Variants in PDXDC1 observed in about 807,000 individuals in gnomAD.
The protein encoded by PDXDC1 is pyridoxal-dependent decarboxylase domain-containing protein 1.
In PDXDC1, 42 loss-of-function variants were observed where a neutral mutation model predicts 100.1. The observed-to-expected ratio is 0.42, with a 90% CI of 0.33 to 0.54. PDXDC1 has a LOEUF of 0.54. Ranked by LOEUF, PDXDC1 falls within the 20% of genes least tolerant of loss-of-function variation. PDXDC1 has a pLI of 0.10. For missense variants in PDXDC1, 636 were observed against 979.2 expected, an observed-to-expected ratio of 0.65 and a Z score of 4.68; for synonymous variants, 260 against 371.7, an observed-to-expected ratio of 0.70 and a Z score of 3.46.
At chr16:15,076,678 T>G in intron 16 of PDXDC1, 2 of 1,437,896 alleles carry the variant, frequency 1.4e-6, no homozygotes, top group Non-Finnish European at 2.0e-6. Flanking sequence ...AAAAAAAGAA[T>G]AAAAGGATTT....
chr16:15,050,350 C>A (rs2044246683), intron 16 of PDXDC1, among the ~76,000 whole-genome samples: 2 of 152,208 alleles, frequency 1.3e-5, no homozygotes, highest in Admixed American at 6.5e-5. Flanking sequence ...ATTGCCTACA[C>A]AGGAAGACAG....
chr16:15,027,020 C>T (rs1317130521), intron 14 of PDXDC1, among the ~76,000 whole-genome samples: 1 of 140,396 alleles, frequency 7.1e-6, no homozygotes, highest in Non-Finnish European at 1.5e-5. Flanking sequence ...ATAGGTTGTG[C>T]CCAGGAATCT....
rs1555551931 is a variant in PDXDC1 at position 15,005,317 on chromosome 16, A to AAAAG, written c.389+988_389+991dup. 5.7e-4 allele frequency among the ~76,000 whole-genome samples: 84 copies of AAAAG among 146,882 alleles called. 2 individuals are homozygous for AAAAG. The highest frequency in any genetic ancestry group is 1.1e-3 in the African/African-American group (44 of 40,174). ...GAGACTCTGTCTCAAAAAAAAAAAA[A>AAAAG]AAAGAAAACTCTGTCATAAGGAAGA... On this transcript the variant is annotated intron_variant, in intron 5 of 22. Transcript: ENST00000396410.
intron 19 of PDXDC1, 74 bp downstream of exon 19, chr16:15,033,473 C>G (rs2151646787): frequency 6.6e-7 from 1 of 1,516,740 alleles, no homozygotes; most frequent in Non-Finnish European, 9.1e-7. Context: ...ACGAGGAAAG[C>G]AGCTGCCCTT....
intron 16 of PDXDC1, among the ~76,000 whole-genome samples, chr16:15,078,541 T>G (rs1162293063): frequency 1.3e-5 from 2 of 152,174 alleles, no homozygotes; most frequent in Non-Finnish European, 2.9e-5. Flanking sequence ...TCTTTTCATC[T>G]TTCTAAAAAA....
rs57542228 is a variant in PDXDC1 at position 15,032,668 on chromosome 16, A to AAAAAAAAAAAAG, written c.1572-192_1572-191insAAAAAAAAAAGA. On this transcript the variant is annotated intron_variant, in intron 17 of 22. Coordinates refer to ENST00000396410, the MANE Select transcript of PDXDC1 (RefSeq NM_015027.4). ...GACCCTGCTTTAAAAAAAAAAAAAA[A>AAAAAAAAAAAAG]AGGCTTTCCTGTGACTTTCTCTTTA... The AAAAAAAAAAAAG allele has an allele frequency of 4.0e-4, 153 of 380,040 alleles. 4 individuals carry two copies. Among genetic ancestry groups the AAAAAAAAAAAAG allele is most frequent in the East Asian group, 8.1e-4 (14 of 17,240 alleles). 23.5% of individuals were successfully genotyped at this position (380,040 alleles called of 1,614,324 possible).
At chr16:15,087,710 T>A (rs924597152) in intron 16 of PDXDC1, among the ~76,000 whole-genome samples, 3 of 152,216 alleles carry the variant, frequency 2.0e-5, no homozygotes, top group Admixed American at 6.5e-5. Flanking sequence ...GCCAAAGGCA[T>A]GTAGAAAACA....
chr16:15,080,843 T>A (rs1021270102), intron 16 of PDXDC1, among the ~76,000 whole-genome samples: 1 of 151,036 alleles, frequency 6.6e-6, no homozygotes, highest in African/African-American at 2.4e-5. Flanking sequence ...TGACATTTCA[T>A]ATAAATGGAG....
At chr16:15,071,208 T>C in intron 16 of PDXDC1, 1 of 1,611,032 alleles carries the variant, frequency 6.2e-7, no homozygotes. Context: ...ACTTGGGTCC[T>C]GCAATTTTTT....
At chr16:15,101,526 C>T (rs989864113) in intron 16 of PDXDC1, among the ~76,000 whole-genome samples, 7 of 151,236 alleles carry the variant, frequency 4.6e-5, no homozygotes, top group East Asian at 2.0e-4. Flanking sequence ...TTAATAGAGA[C>T]GGGGTTTCAC....
chr16:15,151,880 G>A, the PDXDC1 span, among the ~76,000 whole-genome samples: 14 of 129,976 alleles, frequency 1.1e-4, no homozygotes, highest in African/African-American at 3.2e-4. Flanking sequence ...GCCATGAGCC[G>A]AGATCGTGCC....
At chr16:15,043,905 G>A (rs1266144560) in intron 16 of PDXDC1, among the ~76,000 whole-genome samples, 4 of 151,998 alleles carry the variant, frequency 2.6e-5, no homozygotes, top group Non-Finnish European at 5.9e-5. Context: ...CCGAGATCAT[G>A]CTACTGCACT....
intron 16 of PDXDC1, among the ~76,000 whole-genome samples, chr16:15,110,235 A>T (rs1056861328): frequency 1.3e-5 from 2 of 149,262 alleles, no homozygotes; most frequent in Admixed American, 6.7e-5. Context: ...ACAAACAAGA[A>T]TGTAGGAAGG....
downstream of PDXDC1, among the ~76,000 whole-genome samples, chr16:15,143,066 A>C (rs1288102363): frequency 5.3e-5 from 8 of 152,220 alleles, 1 homozygote; most frequent in African/African-American, 1.7e-4. Context: ...AGCTGAAGCC[A>C]AGCTTGTTGG....
Position 15,034,330 on chromosome 16 carries a change from A to G in PDXDC1, c.1857A>G (p.Glu619=), listed in dbSNP as rs2043261481. Residue 619 remains glutamate (E), a synonymous_variant, in exon 20 of 23, where the codon GAA becomes GAG. Transcript: ENST00000396410. The part of the protein sequence containing the change: ...MTEVVRKGIQ[E]AQVELQKASE... ...AAGTGGTTCGGAAAGGCATTCAGGA[A>G]GCTCAAGTGGAGCTGCAGAAGGCAA... 4.3e-6 allele frequency: 7 copies of G among 1,613,506 alleles called. No homozygotes were observed. The East Asian group carries it at 1.6e-4, about 36-fold the overall frequency.
intron 16 of PDXDC1, chr16:15,130,180 C>G: frequency 6.5e-7 from 1 of 1,543,734 alleles, no homozygotes; most frequent in Non-Finnish European, 8.8e-7. Context: ...GCAGAGGCTC[C>G]CAGGAGCACA....
At chr16:15,109,692 A>T (rs1483302187) in intron 16 of PDXDC1, among the ~76,000 whole-genome samples, 1 of 111,910 alleles carries the variant, frequency 8.9e-6, no homozygotes, top group Non-Finnish European at 1.9e-5. Flanking sequence ...AAAAAAAAAA[A>T]AAAAAAAAAA....
intron 16 of PDXDC1, among the ~76,000 whole-genome samples, chr16:15,053,790 A>G (rs1210591417): frequency 6.6e-6 from 1 of 152,176 alleles, no homozygotes; most frequent in Non-Finnish European, 1.5e-5. Flanking sequence ...ATGCACCTGT[A>G]ATCCCAGCTA....
At chr16:15,064,577 A>AC (rs1470809758) in intron 16 of PDXDC1, among the ~76,000 whole-genome samples, 1 of 152,042 alleles carries the variant, frequency 6.6e-6, no homozygotes, top group South Asian at 2.1e-4. Flanking sequence ...AAAAGACAGC[A>AC]CCCTCCCCTA....
Sources: gnomAD v4.1 joint callset for allele counts (sites outside exome capture counted in the v4.1 genomes callset) on GRCh38, gnomAD v4.1.1 for gene constraint, MANE v1.5 for transcripts, NCBI Gene and HGNC (gene_info 2026-07-23, HGNC 2026-07-21) for gene names.